Variants in NTM observed in about 807,000 individuals in gnomAD.
NTM encodes neurotrimin, also known as IgLON family member 2.
In NTM, 13 loss-of-function variants were observed where a neutral mutation model predicts 42.1. That is an observed-to-expected ratio of 0.31 (90% CI 0.20 to 0.49). The LOEUF (loss-of-function observed/expected upper bound fraction) is 0.49, where lower values mean the gene tolerates loss of function less well. NTM is among the 20% of genes least tolerant of loss of function. The pLI, the probability that NTM is intolerant of heterozygous loss-of-function variation, is 0.99. For missense variants in NTM, 373 were observed against 452.8 expected, an observed-to-expected ratio of 0.82 and a Z score of 1.60; for synonymous variants, 187 against 179.2, an observed-to-expected ratio of 1.04 and a Z score of -0.35.
intron 8 of NTM, among the ~76,000 whole-genome samples, chr11:132,331,040 G>A (rs2095793153): frequency 6.6e-6 from 1 of 152,232 alleles, no homozygotes; most frequent in African/African-American, 2.4e-5. Context: ...TGGCCTGCGG[G>A]AAGCAGCCCA....
At chr11:132,107,079 A>G (rs1174126314) in intron 2 of NTM, among the ~76,000 whole-genome samples, 1 of 152,134 alleles carries the variant, frequency 6.6e-6, no homozygotes. Flanking sequence ...TTCAGTGTAC[A>G]TTTATTAGCC....
chr11:131,593,578 C>T (rs2059569311), intron 1 of NTM, among the ~76,000 whole-genome samples: 1 of 152,184 alleles, frequency 6.6e-6, no homozygotes, highest in African/African-American at 2.4e-5. Flanking sequence ...CCATTTATTC[C>T]CCATTAGAGC....
chr11:131,791,782 A>G (rs1389686495), intron 1 of NTM, among the ~76,000 whole-genome samples: 1 of 152,254 alleles, frequency 6.6e-6, no homozygotes, highest in East Asian at 1.9e-4. Flanking sequence ...AGACCCTTAG[A>G]AGACGAAGTG....
At chr11:132,048,534 G>A (rs1453085903) in intron 2 of NTM, among the ~76,000 whole-genome samples, 1 of 152,216 alleles carries the variant, frequency 6.6e-6, no homozygotes, top group East Asian at 1.9e-4. Flanking sequence ...ACCCTTCAGA[G>A]TGCAAAGGGT....
chr11:131,896,838 G>A (rs1377680813), intron 1 of NTM, among the ~76,000 whole-genome samples: 4 of 151,850 alleles, frequency 2.6e-5, no homozygotes, highest in Admixed American at 6.6e-5. Flanking sequence ...ACAGGCGCCC[G>A]CCACCAAGCC....
intron 1 of NTM, among the ~76,000 whole-genome samples, chr11:131,490,534 T>C (rs925502970): frequency 5.3e-5 from 8 of 152,168 alleles, no homozygotes; most frequent in Non-Finnish European, 1.0e-4. Flanking sequence ...ATGGCTGAAT[T>C]CAGCTGGGTG....
In NTM at chr11:131,619,347, T is replaced by A. The variant is rs140433344; in HGVS notation, c.82+248459T>A. Among the ~76,000 whole-genome samples, 1,051 of 152,266 alleles carry A rather than the reference T, an allele frequency of 6.9e-3. 14 individuals are homozygous for A. The highest frequency in any genetic ancestry group is 0.023 in the African/African-American group (967 of 41,546). ...CTCCCAAATGCTCCCACTCTAACTT[T>A]ATGTAAAACACTTGACACAGTCAGA... On this transcript the variant is annotated intron_variant, in intron 1 of 8. Transcript: ENST00000683400.
At chr11:132,045,016 T>C (rs1246167392) in intron 2 of NTM, among the ~76,000 whole-genome samples, 2 of 152,222 alleles carry the variant, frequency 1.3e-5, no homozygotes, top group African/African-American at 4.8e-5. Context: ...GACTTCTCCC[T>C]AACTCATTAT....
intron 1 of NTM, among the ~76,000 whole-genome samples, chr11:131,782,332 T>A (rs922006493): frequency 4.2e-4 from 63 of 149,050 alleles, no homozygotes; most frequent in African/African-American, 1.5e-3. Flanking sequence ...ACCAAAATAG[T>A]CACAAGAATA....
At chr11:131,399,303 G>C (rs1056310303) in intron 1 of NTM, among the ~76,000 whole-genome samples, 4 of 152,136 alleles carry the variant, frequency 2.6e-5, no homozygotes, top group African/African-American at 9.7e-5. Context: ...GAAGAGAGAT[G>C]GACTCACGAT....
intron 1 of NTM, among the ~76,000 whole-genome samples, chr11:131,762,443 G>A (rs943032067): frequency 4.6e-5 from 7 of 152,218 alleles, no homozygotes; most frequent in Admixed American, 2.6e-4. Context: ...CTTCATCCCC[G>A]TAGCATAGGG....
chr11:131,398,189 G>A (rs535209073), intron 1 of NTM, among the ~76,000 whole-genome samples: 12 of 152,168 alleles, frequency 7.9e-5, no homozygotes, highest in African/African-American at 2.4e-4. Context: ...GGGCTTTCAC[G>A]AATCGATTAT....
At chr11:132,232,961 C>T (rs959363992) in intron 4 of NTM, among the ~76,000 whole-genome samples, 9 of 152,194 alleles carry the variant, frequency 5.9e-5, no homozygotes, top group Non-Finnish European at 1.3e-4. Flanking sequence ...TTTATTTACA[C>T]AGCACAATTA....
At chr11:131,660,187 C>G (rs902764723) in intron 1 of NTM, 1 of 255,234 alleles carries the variant, frequency 3.9e-6, no homozygotes, top group East Asian at 8.6e-5. Context: ...CCGTAGGACT[C>G]GGGTGGGCCA....
intron 1 of NTM, among the ~76,000 whole-genome samples, chr11:131,399,464 A>G (rs1944890309): frequency 6.6e-6 from 1 of 152,144 alleles, no homozygotes; most frequent in African/African-American, 2.4e-5. Context: ...GTTGCTATGT[A>G]TGGATTGTAT....
At chr11:131,382,797 G>T (rs888336983) in intron 1 of NTM, among the ~76,000 whole-genome samples, 2 of 152,216 alleles carry the variant, frequency 1.3e-5, no homozygotes, top group African/African-American at 4.8e-5. Flanking sequence ...AAAAGGTTTT[G>T]CCAGAGCAGA....
At chr11:132,311,737 C>A (rs1323467052) in intron 6 of NTM, among the ~76,000 whole-genome samples, 12 of 152,054 alleles carry the variant, frequency 7.9e-5, no homozygotes, top group African/African-American at 2.9e-4. Context: ...TCCTATTATT[C>A]CAATTCTTTA....
Position 131,408,083 on chromosome 11 carries a change from C to G in NTM, c.82+37195C>G, listed in dbSNP as rs752265367. 2.6e-4 allele frequency among the ~76,000 whole-genome samples: 39 copies of G among 152,304 alleles called. 1 individual carries two copies. The highest frequency in any genetic ancestry group is 6.8e-3 in the Middle Eastern group (2 of 294). On this transcript the variant is annotated intron_variant, in intron 1 of 8. Transcript: ENST00000683400. ...AGGATTAATGTGCAATGCCTCAGTG[C>G]CCCCCTTAATGGGCATTTCCAGGCC...
In NTM at chr11:131,462,990, T is replaced by C. The variant is rs141387900; in HGVS notation, c.82+92102T>C. On this transcript the variant is annotated intron_variant, in intron 1 of 8. Transcript: ENST00000683400. Reference sequence around the variant, plus strand: ...GAAGATATAGGTAAGAATAGGTTATTTGGAAGATTCAAATACAACCTCTCC... The same window carrying C: ...GAAGATATAGGTAAGAATAGGTTATCTGGAAGATTCAAATACAACCTCTCC... Among the ~76,000 whole-genome samples, 678 of 151,982 alleles carry C rather than the reference T, an allele frequency of 4.5e-3. 5 individuals are homozygous for C. The highest frequency in any genetic ancestry group is 0.015 in the African/African-American group (635 of 41,340).
Sources: allele counts gnomAD v4.1 joint callset (sites outside exome capture counted in the v4.1 genomes callset), GRCh38; gene constraint gnomAD v4.1.1; transcripts MANE v1.5; gene names NCBI Gene and HGNC (gene_info 2026-07-23, HGNC 2026-07-21).